The following CDH13 variants were observed in gnomAD, a reference collection of about 807,000 sequenced individuals.
CDH13 encodes the protein cadherin-13.
A neutral mutation model predicts 63.8 loss-of-function variants in CDH13; 24 were observed. That is an observed-to-expected ratio of 0.38 (90% CI 0.27 to 0.53). The LOEUF (loss-of-function observed/expected upper bound fraction) is 0.53. CDH13 is among the 20% of genes least tolerant of loss of function. The pLI is 0.85. For synonymous variants in CDH13, 503 were observed against 355.3 expected (o/e 1.42, Z -4.67); for missense variants, 1,049 against 903.1 (o/e 1.16, Z -2.07).
At chr16:83,622,348 C>G (rs1318164683) in intron 8 of CDH13, among the ~76,000 whole-genome samples, 2 of 152,174 alleles carry the variant, frequency 1.3e-5, no homozygotes, top group Non-Finnish European at 2.9e-5. Flanking sequence ...CTTCTACACA[C>G]TCTTCCGGCC....
rs138396958 is a variant in CDH13 at position 83,028,263 on chromosome 16, A to G, written c.158-3747A>G. ...CCTTGGTGTCACTTCTTCATAGTTC[A>G]CTTCCAAAAACTGAAACTAAGCATG... On this transcript the variant is annotated intron_variant, in intron 2 of 13. Coordinates refer to ENST00000567109, the MANE Select transcript of CDH13 (RefSeq NM_001257.5). Among the ~76,000 whole-genome samples, 47 of 152,330 alleles carry G rather than the reference A, an allele frequency of 3.1e-4. No homozygotes were observed. The East Asian group carries it at 6.6e-3, about 21-fold the overall frequency.
chr16:83,284,556 G>A (rs1216197019), intron 5 of CDH13, among the ~76,000 whole-genome samples: 3 of 152,166 alleles, frequency 2.0e-5, no homozygotes, highest in African/African-American at 7.2e-5. Flanking sequence ...TTTAGTGGAA[G>A]GAGGGAGGAA....
At chr16:83,239,652 G>A (rs1904300665) in intron 5 of CDH13, among the ~76,000 whole-genome samples, 1 of 152,156 alleles carries the variant, frequency 6.6e-6, no homozygotes. Context: ...AGCTAAATCT[G>A]TCTTTTCCAC....
intron 6 of CDH13, among the ~76,000 whole-genome samples, chr16:83,378,622 G>C (rs1161408454): frequency 6.6e-6 from 1 of 152,104 alleles, no homozygotes; most frequent in Non-Finnish European, 1.5e-5. Context: ...TCCAGTTATT[G>C]CTGGACTGGA....
intron 3 of CDH13, among the ~76,000 whole-genome samples, chr16:83,035,754 A>G (rs953920349): frequency 6.6e-5 from 10 of 152,068 alleles, no homozygotes; most frequent in East Asian, 3.9e-4. Context: ...CCTTCAGTCA[A>G]TTGCTTTACC....
chr16:83,239,260 G>A (rs1904294649), intron 5 of CDH13, among the ~76,000 whole-genome samples: 1 of 152,190 alleles, frequency 6.6e-6, no homozygotes, highest in Non-Finnish European at 1.5e-5. Flanking sequence ...AGCTCCTCAA[G>A]TTGGAAATAA....
intron 6 of CDH13, among the ~76,000 whole-genome samples, chr16:83,473,672 G>T (rs1028210041): frequency 6.6e-6 from 1 of 152,208 alleles, no homozygotes. Context: ...TAGCCACTCT[G>T]TAGGGAGAAT....
At chr16:83,111,436 A>T (rs879939580) in intron 3 of CDH13, among the ~76,000 whole-genome samples, 2 of 152,144 alleles carry the variant, frequency 1.3e-5, no homozygotes, top group South Asian at 2.1e-4. Context: ...TTGTTTGCCA[A>T]ATGGAGGAAG....
chr16:82,825,796 C>G (rs1053161556), intron 1 of CDH13: 4 of 151,874 alleles, frequency 2.6e-5, no homozygotes, highest in Admixed American at 1.3e-4. Flanking sequence ...ATCCACCTGC[C>G]TCAGCCTCCC....
intron 3 of CDH13, among the ~76,000 whole-genome samples, chr16:83,045,139 T>C (rs771759830): frequency 1.3e-5 from 2 of 152,274 alleles, no homozygotes; most frequent in East Asian, 1.9e-4. Flanking sequence ...AGAGATTAAA[T>C]GACATAGAGT....
chr16:82,914,392 A>T (rs1315164793), intron 2 of CDH13, among the ~76,000 whole-genome samples: 1 of 152,204 alleles, frequency 6.6e-6, no homozygotes, highest in Non-Finnish European at 1.5e-5. Flanking sequence ...AAATGAGCCT[A>T]CGTTCAGCAA....
chr16:82,693,716 G>A (rs1254758036), intron 1 of CDH13, among the ~76,000 whole-genome samples: 1 of 152,198 alleles, frequency 6.6e-6, no homozygotes, highest in African/African-American at 2.4e-5. Context: ...ACATTCTGAT[G>A]TTTATTTGAG....
intron 10 of CDH13, among the ~76,000 whole-genome samples, chr16:83,707,013 G>C (rs950285073): frequency 6.6e-6 from 1 of 152,182 alleles, no homozygotes; most frequent in African/African-American, 2.4e-5. Context: ...GTAAACTCAT[G>C]GGAAAATGCA....
At chr16:82,868,573 G>A (rs1258814232) in intron 2 of CDH13, among the ~76,000 whole-genome samples, 1 of 152,206 alleles carries the variant, frequency 6.6e-6, no homozygotes, top group Non-Finnish European at 1.5e-5. Flanking sequence ...AACAGAGTGA[G>A]AAGGACTTCT....
intron 7 of CDH13, among the ~76,000 whole-genome samples, chr16:83,516,889 G>A (rs2074709694): frequency 1.3e-5 from 2 of 152,286 alleles, no homozygotes; most frequent in Middle Eastern, 3.4e-3. Flanking sequence ...TGGAGGAAGT[G>A]GTATTTATTT....
intron 1 of CDH13, among the ~76,000 whole-genome samples, chr16:82,835,030 C>A (rs2038706055): frequency 6.6e-6 from 1 of 152,152 alleles, no homozygotes; most frequent in Admixed American, 6.5e-5. Context: ...TCTGATAGCT[C>A]TGCTAAAAGA....
intron 8 of CDH13, among the ~76,000 whole-genome samples, chr16:83,602,796 CG>C (rs1206265837): frequency 6.6e-6 from 1 of 152,104 alleles, no homozygotes; most frequent in Non-Finnish European, 1.5e-5. Flanking sequence ...TACTAGAGCA[CG>C]GTGAGAACAA....
intron 5 of CDH13, among the ~76,000 whole-genome samples, chr16:83,317,165 C>T (rs1285132985): frequency 6.6e-6 from 1 of 152,146 alleles, no homozygotes; most frequent in East Asian, 1.9e-4. Context: ...TATCTGGTCC[C>T]AAATGTCAGC....
chr16:82,908,980 G>C (rs2041737643), intron 2 of CDH13, among the ~76,000 whole-genome samples: 1 of 152,122 alleles, frequency 6.6e-6, no homozygotes, highest in African/African-American at 2.4e-5. Context: ...TGACTGTGGG[G>C]CTTGAGTATG....
Sources: gnomAD v4.1 joint callset for allele counts (sites outside exome capture counted in the v4.1 genomes callset) on GRCh38, gnomAD v4.1.1 for gene constraint, MANE v1.5 for transcripts, NCBI Gene and HGNC (gene_info 2026-07-23, HGNC 2026-07-21) for gene names.